The following APBB1IP variants were observed in gnomAD, a reference collection of about 807,000 sequenced individuals.
APBB1IP encodes amyloid beta precursor protein binding family B member 1 interacting protein.
A neutral mutation model predicts 64.9 loss-of-function variants in APBB1IP; 27 were observed. The ratio of observed to expected loss-of-function variants is 0.42; its 90% confidence interval spans 0.31 to 0.57. The LOEUF is 0.57. Ranked by LOEUF, APBB1IP falls within the 20% of genes least tolerant of loss-of-function variation. APBB1IP has a pLI of 0.20. For missense variants in APBB1IP, 812 were observed against 845.5 expected (o/e 0.96, Z 0.49); for synonymous variants, 392 against 331.0 (o/e 1.18, Z -2.00).
In APBB1IP at chr10:26,536,413, T is replaced by C. The variant is rs546061669; in HGVS notation, c.1044+196T>C. Among the ~76,000 whole-genome samples, 6 of 152,252 alleles carry C rather than the reference T, an allele frequency of 3.9e-5. No individual in the cohort carries two copies. In the East Asian group the frequency reaches 9.6e-4, roughly 24 times the overall value. On this transcript the variant is annotated intron_variant, in intron 10 of 14. Coordinates refer to ENST00000376236, the MANE Select transcript of APBB1IP (RefSeq NM_019043.4). ...TAGCTCTCTTGAAGGTAAAAGTATT[T>C]TATCTATTTTAAAGTCAGGTTTCAA...
At chr10:26,481,828 TGTGTGTGTG>T (rs1564356988) in intron 2 of APBB1IP, among the ~76,000 whole-genome samples, 2,728 of 40,248 alleles carry the variant, frequency 0.068, 77 homozygotes, top group African/African-American at 0.13. Context: ...TCTCATTACG[TGTGTGTGTG>T]TGTGTGTGTG....
intron 2 of APBB1IP, among the ~76,000 whole-genome samples, chr10:26,441,613 T>C (rs1232553552): frequency 1.3e-5 from 2 of 152,084 alleles, no homozygotes; most frequent in African/African-American, 4.8e-5. Context: ...CATGGAAATA[T>C]CACAAGCCCC....
intron 11 of APBB1IP, among the ~76,000 whole-genome samples, chr10:26,542,115 G>A (rs963690078): frequency 6.6e-6 from 1 of 152,108 alleles, no homozygotes; most frequent in Non-Finnish European, 1.5e-5. Context: ...GAAACTTCAG[G>A]TGTATATTGT....
At chr10:26,443,027 T>C (rs1480146743) in intron 2 of APBB1IP, among the ~76,000 whole-genome samples, 1 of 152,168 alleles carries the variant, frequency 6.6e-6, no homozygotes, top group Non-Finnish European at 1.5e-5. Context: ...ACAACATGTA[T>C]TAGAAATAGT....
intron 9 of APBB1IP, among the ~76,000 whole-genome samples, chr10:26,534,149 A>T (rs766878273): frequency 6.6e-6 from 1 of 152,072 alleles, no homozygotes; most frequent in Admixed American, 6.6e-5. Flanking sequence ...GAGTTTTCAC[A>T]TAGTATCTAT....
At chr10:26,477,567 A>G (rs1221565700) in intron 2 of APBB1IP, among the ~76,000 whole-genome samples, 1 of 152,174 alleles carries the variant, frequency 6.6e-6, no homozygotes, top group Non-Finnish European at 1.5e-5. Context: ...TTTTGAAAAA[A>G]TTCTATCATT....
chr10:26,454,660 A>G (rs147186568), intron 2 of APBB1IP, among the ~76,000 whole-genome samples: 1 of 152,296 alleles, frequency 6.6e-6, no homozygotes, highest in Non-Finnish European at 1.5e-5. Flanking sequence ...TGCTAGCACA[A>G]CAGCATGACT....
chr10:26,525,891 T>C (rs1027370795), intron 8 of APBB1IP, among the ~76,000 whole-genome samples: 3 of 152,174 alleles, frequency 2.0e-5, no homozygotes, highest in East Asian at 3.9e-4. Context: ...CCTGTTCCAA[T>C]TCTTCTCTGG....
chr10:26,521,114 G>A (rs979217526), intron 8 of APBB1IP, among the ~76,000 whole-genome samples: 5 of 152,184 alleles, frequency 3.3e-5, no homozygotes, highest in African/African-American at 9.7e-5. Context: ...GTTATGCACT[G>A]TTCCATTTGA....
At chr10:26,551,859 T>C (rs993722599) in intron 11 of APBB1IP, among the ~76,000 whole-genome samples, 29 of 152,302 alleles carry the variant, frequency 1.9e-4, no homozygotes, top group African/African-American at 7.0e-4. Flanking sequence ...ATTTGACACA[T>C]TGTAAATGCT....
At chr10:26,561,309 G>C (rs1166994109) in intron 13 of APBB1IP, among the ~76,000 whole-genome samples, 1 of 149,808 alleles carries the variant, frequency 6.7e-6, no homozygotes, top group East Asian at 2.0e-4. Context: ...ACCTCGTGAT[G>C]CACCTGCCTC....
intron 8 of APBB1IP, among the ~76,000 whole-genome samples, chr10:26,518,157 G>A (rs1836355787): frequency 6.6e-6 from 1 of 151,868 alleles, no homozygotes. Context: ...GTTTCACCAT[G>A]TTGGCCAGAC....
At chr10:26,503,035 T>G (rs113416020) in intron 5 of APBB1IP, among the ~76,000 whole-genome samples, 162 bp from the exon 6 acceptor site, 1 of 152,236 alleles carries the variant, frequency 6.6e-6, no homozygotes, top group South Asian at 2.1e-4. Flanking sequence ...TATTACACTT[T>G]GTATGCCTTT....
At chr10:26,544,502 CTCACTCTAACCA>C (rs1158634125) in intron 11 of APBB1IP, among the ~76,000 whole-genome samples, 5 of 152,178 alleles carry the variant, frequency 3.3e-5, no homozygotes, top group African/African-American at 1.2e-4. Flanking sequence ...AGTGTTAGAA[CTCACTCTAACCA>C]TCAGTACTCA....
intron 2 of APBB1IP, among the ~76,000 whole-genome samples, chr10:26,447,718 A>T (rs1322321500): frequency 2.0e-5 from 3 of 152,098 alleles, no homozygotes; most frequent in Non-Finnish European, 4.4e-5. Context: ...AGTAAAAAGA[A>T]CCATGACTTT....
intron 2 of APBB1IP, among the ~76,000 whole-genome samples, chr10:26,461,145 T>C (rs1226629255): frequency 6.8e-6 from 1 of 146,136 alleles, no homozygotes; most frequent in Non-Finnish European, 1.5e-5. Flanking sequence ...AAAAGTATTA[T>C]AAAACGAAGG....
chr10:26,557,071 A>G lies in APBB1IP; in HGVS notation c.1156-3034A>G, dbSNP rs187676177. ...AATATGACCTTCAGGTTAATTAAGA[A>G]AACAAATCCTTTTTGCTATCGGGCC... On this transcript the variant is annotated intron_variant, in intron 11 of 14. Coordinates refer to ENST00000376236, the MANE Select transcript of APBB1IP (RefSeq NM_019043.4). Among the ~76,000 whole-genome samples, 378 of 152,352 alleles carry G rather than the reference A, an allele frequency of 2.5e-3. 1 individual carries two copies. Among genetic ancestry groups the G allele is most frequent in the Admixed American group, 6.3e-3 (96 of 15,308 alleles).
At chr10:26,553,938 G>C (rs907476406) in intron 11 of APBB1IP, among the ~76,000 whole-genome samples, 2 of 152,044 alleles carry the variant, frequency 1.3e-5, no homozygotes, top group African/African-American at 4.8e-5. Flanking sequence ...ACACTGTAAT[G>C]CTCTCCAGGG....
intron 8 of APBB1IP, among the ~76,000 whole-genome samples, chr10:26,521,695 C>T (rs1019428731): frequency 5.9e-5 from 9 of 152,274 alleles, no homozygotes; most frequent in Admixed American, 5.9e-4. Flanking sequence ...TGTGCCACCT[C>T]ACACATTTGT....
Sources: allele counts gnomAD v4.1 joint callset (sites outside exome capture counted in the v4.1 genomes callset), GRCh38; gene constraint gnomAD v4.1.1; transcripts MANE v1.5; gene names NCBI Gene and HGNC (gene_info 2026-07-23, HGNC 2026-07-21).